The following XYLT1 variants were observed in gnomAD, a reference collection of about 807,000 sequenced individuals.
The protein encoded by XYLT1 is xylosyltransferase 1.
Under a neutral mutation model 91.3 loss-of-function variants are expected in XYLT1, and 36 were observed. That is an observed-to-expected ratio of 0.39 (90% confidence interval 0.30 to 0.52). The LOEUF is 0.52. Ranked by LOEUF, XYLT1 falls within the 20% of genes least tolerant of loss-of-function variation. The pLI, the probability that XYLT1 is intolerant of heterozygous loss-of-function variation, is 0.68. For synonymous variants in XYLT1, 588 were observed against 532.0 expected, an observed-to-expected ratio of 1.11 and a Z score of -1.45; for missense variants, 1,242 against 1,284.5, an observed-to-expected ratio of 0.97 and a Z score of 0.51.
intron 2 of XYLT1, among the ~76,000 whole-genome samples, chr16:17,320,774 C>T (rs895918784): frequency 8.1e-6 from 1 of 123,640 alleles, no homozygotes; most frequent in Non-Finnish European, 1.8e-5. Context: ...GCCACCGCAT[C>T]TGGCCGACCT....
rs1440015296 is a variant in XYLT1, at chr16:17,102,323, G to A, written c.*6372C>T. ...TGAAAAGAAGCCACATATAGTCACTGTTCCATAAAGGCAGTGTTTTTTTAA... is the reference window on the plus strand; with the variant it reads ...TGAAAAGAAGCCACATATAGTCACTATTCCATAAAGGCAGTGTTTTTTTAA... On this transcript the variant is annotated 3_prime_UTR_variant, in exon 12 of 12. Coordinates refer to ENST00000261381, the MANE Select transcript of XYLT1 (RefSeq NM_022166.4). 1 of 152,612 alleles carries A rather than the reference G, an allele frequency of 6.6e-6. No homozygotes were observed. Among genetic ancestry groups the A allele is most frequent in the East Asian group, 1.9e-4 (1 of 5,204 alleles). 9.5% of individuals were successfully genotyped at this position (152,612 alleles called of 1,614,324 possible). A position where few individuals can be genotyped will look rare whatever the true frequency, so the allele number is the denominator to read the frequency against.
At chr16:17,356,443 C>T (rs531667056) in intron 2 of XYLT1, among the ~76,000 whole-genome samples, 55 of 152,196 alleles carry the variant, frequency 3.6e-4, no homozygotes, top group African/African-American at 1.2e-3. Context: ...CTGGGGCCCC[C>T]GTGGCTATAC....
chr16:17,236,432 CA>C (rs113892095), intron 3 of XYLT1, among the ~76,000 whole-genome samples: 2,069 of 100,488 alleles, frequency 0.021, 38 homozygotes, highest in African/African-American at 0.058. Flanking sequence ...ATGGAGAGTA[CA>C]AAAAAAAAAA....
intron 2 of XYLT1, among the ~76,000 whole-genome samples, chr16:17,325,118 CCGG>C (rs768075422): frequency 6.6e-6 from 1 of 152,064 alleles, no homozygotes; most frequent in Non-Finnish European, 1.5e-5. Context: ...GGCGGGGGTG[CCGG>C]GCACGGTGGC....
intron 2 of XYLT1, among the ~76,000 whole-genome samples, chr16:17,291,980 A>G (rs2034233947): frequency 6.6e-6 from 1 of 151,940 alleles, no homozygotes; most frequent in African/African-American, 2.4e-5. Context: ...TGACCCCAGG[A>G]GTTCAAGACC....
chr16:17,307,318 G>A (rs1186603903), intron 2 of XYLT1, among the ~76,000 whole-genome samples: 1 of 152,118 alleles, frequency 6.6e-6, no homozygotes, highest in Non-Finnish European at 1.5e-5. Context: ...CTCGTGATCG[G>A]CCCGCTTCGG....
intron 2 of XYLT1, among the ~76,000 whole-genome samples, chr16:17,341,626 T>A (rs2035064565): frequency 6.6e-6 from 1 of 152,056 alleles, no homozygotes; most frequent in Non-Finnish European, 1.5e-5. Flanking sequence ...TGCACCGACA[T>A]AATACAAGTT....
chr16:17,132,769 G>A (rs575686281), intron 9 of XYLT1, among the ~76,000 whole-genome samples: 1 of 152,210 alleles, frequency 6.6e-6, no homozygotes, highest in African/African-American at 2.4e-5. Context: ...TGGGTGTGCT[G>A]GTACATGCCT....
intron 10 of XYLT1, among the ~76,000 whole-genome samples, chr16:17,119,939 C>T (rs901761663): frequency 1.3e-5 from 2 of 152,180 alleles, no homozygotes; most frequent in African/African-American, 4.8e-5. Context: ...TGTGTACACT[C>T]ACTGGCATGT....
At chr16:17,201,333 C>T (rs1291768872) in intron 3 of XYLT1, among the ~76,000 whole-genome samples, 2 of 152,178 alleles carry the variant, frequency 1.3e-5, no homozygotes, top group African/African-American at 4.8e-5. Flanking sequence ...GGTGGACCTA[C>T]AGCTTAGGCC....
intron 10 of XYLT1, among the ~76,000 whole-genome samples, chr16:17,122,629 T>C (rs924641788): frequency 1.1e-4 from 16 of 152,242 alleles, no homozygotes; most frequent in Admixed American, 7.9e-4. Flanking sequence ...TTGCATTTGC[T>C]TTTGGGTTCT....
intron 1 of XYLT1, among the ~76,000 whole-genome samples, chr16:17,381,726 C>T (rs548538044): frequency 3.3e-5 from 5 of 152,000 alleles, no homozygotes; most frequent in African/African-American, 4.8e-5. Context: ...TGTGCCTGGT[C>T]GCAATATCTT....
At chr16:17,139,141 A>G (rs1320495850) in intron 7 of XYLT1, among the ~76,000 whole-genome samples, 1 of 152,124 alleles carries the variant, frequency 6.6e-6, no homozygotes, top group East Asian at 1.9e-4. Flanking sequence ...GAAAAGAAAA[A>G]CTAGAGGAGA....
At chr16:17,346,974 T>C (rs980205430) in intron 2 of XYLT1, among the ~76,000 whole-genome samples, 1 of 152,150 alleles carries the variant, frequency 6.6e-6, no homozygotes, top group Non-Finnish European at 1.5e-5. Context: ...GATACTCTTT[T>C]TCAGAAAGGC....
rs558743896 is a variant in XYLT1 at position 17,147,681 on chromosome 16, T to C, written c.1371-6312A>G. On this transcript the variant is annotated intron_variant, in intron 6 of 11. Coordinates refer to ENST00000261381, the MANE Select transcript of XYLT1 (RefSeq NM_022166.4). The stretch of plus-strand genomic sequence containing the variant: ...CAGGGGTGAATGGGGACTTAAGTCT[T>C]GGACTAGGAGATGGTGGCAGAGGCC... 2.0e-5 allele frequency among the ~76,000 whole-genome samples: 3 copies of C among 152,254 alleles called. No individual in the cohort carries two copies. The East Asian group carries it at 5.8e-4, about 29-fold the overall frequency.
intron 3 of XYLT1, among the ~76,000 whole-genome samples, chr16:17,225,458 C>T (rs887543215): frequency 3.3e-5 from 5 of 152,110 alleles, no homozygotes; most frequent in African/African-American, 1.2e-4. Flanking sequence ...CAAAGTCCAC[C>T]AAGCAGACCC....
Position 17,117,799 on chromosome 16 carries a change from T to C in XYLT1, c.2404A>G (p.Thr802Ala). ...AATYDILIES[T>A]AEFTHYKPPL... ...GGCTTGTAGTGTGTGAATTCGGCAG[T>C]GGACTCAATGAGGATGTCGTAGGTG... Residue 802 changes from threonine to alanine, a missense_variant, in exon 11 of 12, where the codon ACT becomes GCT. Thr to Ala is a moderately conservative substitution (Grantham distance 58, BLOSUM62 0). This residue lies in a region of XYLT1 where 511 missense variants were observed against 497.0 expected (regional missense o/e 1.03). Coordinates refer to ENST00000261381, the MANE Select transcript of XYLT1 (RefSeq NM_022166.4). The C allele has an allele frequency of 1.9e-6, 3 of 1,614,142 alleles. No homozygotes were observed. The highest frequency in any genetic ancestry group is 1.3e-5 in the African/African-American group (1 of 75,024).
intron 2 of XYLT1, among the ~76,000 whole-genome samples, chr16:17,267,688 C>T (rs540300856): frequency 1.4e-4 from 22 of 152,274 alleles, no homozygotes; most frequent in East Asian, 7.7e-4. Flanking sequence ...GGATTACAGG[C>T]GTGAGCCACC....
At chr16:17,138,202 G>T in intron 8 of XYLT1, 153 bp downstream of exon 8, 3 of 847,066 alleles carry the variant, frequency 3.5e-6, no homozygotes, top group Admixed American at 2.8e-5. Flanking sequence ...ATAAACACTG[G>T]CTATTGTTGA....
Sources: gnomAD v4.1 joint callset for allele counts (sites outside exome capture counted in the v4.1 genomes callset) on GRCh38, gnomAD v4.1.1 for gene constraint, gnomAD v4.1.1 regional missense constraint, MANE v1.5 for transcripts, NCBI Gene and HGNC (gene_info 2026-07-23, HGNC 2026-07-21) for gene names.